The following PEX3 variants were observed in gnomAD, a reference collection of about 807,000 sequenced individuals.
PEX3 encodes peroxin-3.
PEX3 carries 30 observed loss-of-function variants against 55.8 expected under a neutral mutation model. The ratio of observed to expected loss-of-function variants is 0.54; its 90% CI spans 0.40 to 0.73. PEX3 has a LOEUF of 0.73. PEX3 is among the 30% of genes least tolerant of loss of function. The pLI is 0.00. For missense variants in PEX3, 351 were observed against 432.8 expected (o/e 0.81, Z 1.68); for synonymous variants, 135 against 148.4 (o/e 0.91, Z 0.66).
Position 143,485,209 on chromosome 6 carries a change from C to G in PEX3, c.999C>G (p.Ile333Met). ...TAATTCCAATAGTAAACGGACAGATCCATTCAGTTTGCAGTGAAACACCTA... is the reference window on the plus strand; with the variant it reads ...TAATTCCAATAGTAAACGGACAGATGCATTCAGTTTGCAGTGAAACACCTA... ...AKIIPIVNGQIHSVCSETPSH... is the reference protein window; with the variant it reads ...AKIIPIVNGQMHSVCSETPSH... Residue 333 changes from isoleucine (I) to methionine (M), a missense_variant, in exon 11 of 12, where the codon ATC becomes ATG. By Grantham distance (10) the Ile-to-Met change is conservative. Coordinates refer to ENST00000367591, the MANE Select transcript of PEX3 (RefSeq NM_003630.3). The surrounding 1 kb of genome is among the most constrained non-coding windows in gnomAD (Gnocchi z 5.6). The G allele has an allele frequency of 6.2e-7, 1 of 1,607,516 alleles. No homozygotes were observed. The highest frequency in any genetic ancestry group is 8.5e-7 in the Non-Finnish European group (1 of 1,174,302).
rs946947910 is a variant in PEX3 at position 143,465,243 on chromosome 6, C to A, written c.287+2246C>A. Among the ~76,000 whole-genome samples, 4 of 151,710 alleles carry A rather than the reference C, an allele frequency of 2.6e-5. No individual in the cohort carries two copies. The highest frequency in any genetic ancestry group is 9.7e-5 in the African/African-American group (4 of 41,326). Reference sequence around the variant, plus strand: ...TGTGTTGAAGGTACTTTTCTCTGTTCTACATAGATTTGGAATCTTTTATGT... The same window carrying A: ...TGTGTTGAAGGTACTTTTCTCTGTTATACATAGATTTGGAATCTTTTATGT... On this transcript the variant is annotated intron_variant, in intron 3 of 11. Transcript: ENST00000367591. This position sits in a 1 kb window ranked among gnomAD's most constrained non-coding sequence, Gnocchi z 4.7.
rs1241030753 is a variant in PEX3, at chr6:143,454,925, T to C, written c.73+3810T>C. On this transcript the variant is annotated intron_variant, in intron 1 of 11. Coordinates refer to ENST00000367591, the MANE Select transcript of PEX3 (RefSeq NM_003630.3). This position sits in a 1 kb window ranked among gnomAD's most constrained non-coding sequence, Gnocchi z 4.3. ...AGAGTACAGATTGTGAAGGGCCTTA[T>C]GAAGCCATTCTACATAATTTGGACA... is the stretch of plus-strand genomic sequence containing the variant. Among the ~76,000 whole-genome samples, 1 of 152,236 alleles carries C rather than the reference T, an allele frequency of 6.6e-6. No homozygotes were observed. The highest frequency in any genetic ancestry group is 2.4e-5 in the African/African-American group (1 of 41,462).
chr6:143,467,758 T>C (rs575263236), intron 3 of PEX3, among the ~76,000 whole-genome samples: 1 of 152,202 alleles, frequency 6.6e-6, no homozygotes, highest in African/African-American at 2.4e-5. Context: ...TTTATGATCG[T>C]AAAACAAAAA....
intron 1 of PEX3, among the ~76,000 whole-genome samples, chr6:143,456,987 A>G (rs949611084): frequency 1.3e-5 from 2 of 152,178 alleles, no homozygotes; most frequent in Admixed American, 6.5e-5. Flanking sequence ...GTTCCTAAAA[A>G]AAATCATCAG....
intron 2 of PEX3, among the ~76,000 whole-genome samples, chr6:143,461,312 G>A (rs75900292): frequency 6.6e-6 from 1 of 152,222 alleles, no homozygotes; most frequent in African/African-American, 2.4e-5. Flanking sequence ...TGGCAGATGG[G>A]GTTGTCAATT....
rs1779884552 is a variant in PEX3, at chr6:143,459,084, G to A, written c.74-1G>A. On this transcript the variant is annotated splice_acceptor_variant, in intron 1 of 11. Transcript: ENST00000367591. LOFTEE classifies it high-confidence loss of function. The surrounding 1 kb of genome is among the most constrained non-coding windows in gnomAD (Gnocchi z 4.2). ...ATATAGTACTTTTTTAATGATTGTA[G>A]GAGTATATATTCTGGGGAAATATGG... 1 of 1,576,988 alleles carries A rather than the reference G, an allele frequency of 6.3e-7. No individual in the cohort carries two copies.
At chr6:143,460,301 ACCTT>A (rs779525229) in intron 2 of PEX3, among the ~76,000 whole-genome samples, 37 of 152,316 alleles carry the variant, frequency 2.4e-4, no homozygotes, top group South Asian at 6.2e-4. Context: ...TCAGAAAAAT[ACCTT>A]CATTCTGCAA....
At chr6:143,455,359 A>ATTTTTTTTTTTTTTTTTTTTTTT (rs56788350) in intron 1 of PEX3, among the ~76,000 whole-genome samples, 1 of 71,968 alleles carries the variant, frequency 1.4e-5, no homozygotes, top group Non-Finnish European at 2.7e-5. Flanking sequence ...CGCCCGGCTA[A>ATTTTTTTTTTTTTTTTTTTTTTT]TTTTTTTTTT....
intron 2 of PEX3, among the ~76,000 whole-genome samples, chr6:143,460,680 C>T (rs186379597): frequency 4.6e-5 from 7 of 152,092 alleles, no homozygotes; most frequent in East Asian, 3.9e-4. Flanking sequence ...GCCTGACCAA[C>T]GTGGAGAAAC....
intron 10 of PEX3, among the ~76,000 whole-genome samples, chr6:143,480,107 G>T (rs144444261): frequency 2.3e-3 from 350 of 152,056 alleles, no homozygotes; most frequent in African/African-American, 7.5e-3. Context: ...AGATTAATTT[G>T]ACATTGACAT....
chr6:143,456,763 A>G (rs1208972259), intron 1 of PEX3, among the ~76,000 whole-genome samples: 1 of 152,220 alleles, frequency 6.6e-6, no homozygotes, highest in Non-Finnish European at 1.5e-5. Context: ...AAATAAGGTC[A>G]CATTCTGAGG....
chr6:143,476,774 A>C lies in PEX3; in HGVS notation c.818+1918A>C, dbSNP rs1780159023. On this transcript the variant is annotated intron_variant, in intron 9 of 11. Transcript: ENST00000367591. The surrounding 1 kb of genome is among the most constrained non-coding windows in gnomAD (Gnocchi z 5.4). ...ATGCCTATTGGCAATTGAATATGCA[A>C]GTCTGGAATTCAAGTTAGTTTACAA... 6.6e-6 allele frequency among the ~76,000 whole-genome samples: 1 copy of C among 152,212 alleles called. No homozygotes were observed. Among genetic ancestry groups the C allele is most frequent in the South Asian group, 2.1e-4 (1 of 4,834 alleles).
rs1452006069 is a variant in PEX3 at position 143,462,295 on chromosome 6, T to C, written c.206-621T>C. On this transcript the variant is annotated intron_variant, in intron 2 of 11. Coordinates refer to ENST00000367591, the MANE Select transcript of PEX3 (RefSeq NM_003630.3). This position sits in a 1 kb window ranked among gnomAD's most constrained non-coding sequence, Gnocchi z 4.1. ...ACCCAGTGCACTTTTATTTATGTTATAATAAATGTTTATTGCTTTGTAGTA... is the reference window on the plus strand; with the variant it reads ...ACCCAGTGCACTTTTATTTATGTTACAATAAATGTTTATTGCTTTGTAGTA... Among the ~76,000 whole-genome samples the C allele has an allele frequency of 3.9e-5, 6 of 152,178 alleles. No individual in the cohort carries two copies. The highest frequency in any genetic ancestry group is 3.3e-4 in the Admixed American group (5 of 15,284).
rs58331398 is a variant in PEX3, at chr6:143,455,171, A to ATTTTCTTTTCTTTTCTTTTC, written c.74-3894_74-3875dup. ...CATGCAAGATAAGACATTTGGGGGT[A>ATTTTCTTTTCTTTTCTTTTC]TTTTCTTTTCTTTTCTTTTCTTTTC... On this transcript the variant is annotated intron_variant, in intron 1 of 11. Coordinates refer to ENST00000367591, the MANE Select transcript of PEX3 (RefSeq NM_003630.3). Among the ~76,000 whole-genome samples, 1,432 of 143,960 alleles carry ATTTTCTTTTCTTTTCTTTTC rather than the reference A, an allele frequency of 9.9e-3. 46 individuals are homozygous for ATTTTCTTTTCTTTTCTTTTC. Among genetic ancestry groups the ATTTTCTTTTCTTTTCTTTTC allele is most frequent in the African/African-American group, 0.035 (1,322 of 37,292 alleles). The allele number at this position is 143,960 out of a possible 152,430, so 94.4% of individuals were successfully genotyped here. A position where few individuals can be genotyped will look rare whatever the true frequency, so the allele number is the denominator to read the frequency against.
In PEX3 at chr6:143,479,207, A is replaced by C; in HGVS notation, c.941+9A>C. On this transcript the variant is annotated intron_variant, in intron 10 of 11. Coordinates refer to ENST00000367591, the MANE Select transcript of PEX3 (RefSeq NM_003630.3). This position sits in a 1 kb window ranked among gnomAD's most constrained non-coding sequence, Gnocchi z 4.6. ...GGTAACTCTATGAATAGGTAAGATG[A>C]CATATAAAAATGTTATACTAATGAA... 1 of 1,596,888 alleles carries C rather than the reference A, an allele frequency of 6.3e-7. No individual in the cohort carries two copies. The highest frequency in any genetic ancestry group is 1.3e-5 in the African/African-American group (1 of 74,646).
At position 143,453,470 on chromosome 6, in the gene PEX3, G is replaced by C. The variant is rs1275320227; in HGVS notation, c.73+2355G>C. ...CGCGTTTGTATAATTTGACCAGTTT[G>C]GGGGGTTTGGGTGTGTTCGGGTTTT... On this transcript the variant is annotated intron_variant, in intron 1 of 11. Coordinates refer to ENST00000367591, the MANE Select transcript of PEX3 (RefSeq NM_003630.3). The surrounding 1 kb of genome is among the most constrained non-coding windows in gnomAD (Gnocchi z 4.6). 6.6e-6 allele frequency among the ~76,000 whole-genome samples: 1 copy of C among 151,990 alleles called. No homozygotes were observed. The highest frequency in any genetic ancestry group is 2.4e-5 in the African/African-American group (1 of 41,380).
At position 143,466,155 on chromosome 6, in the gene PEX3, A is replaced by G. The variant is rs976281258; in HGVS notation, c.288-1967A>G. 6.6e-6 allele frequency among the ~76,000 whole-genome samples: 1 copy of G among 152,108 alleles called. No homozygotes were observed. The highest frequency in any genetic ancestry group is 1.5e-5 in the Non-Finnish European group (1 of 67,932). On this transcript the variant is annotated intron_variant, in intron 3 of 11. Transcript: ENST00000367591. This position sits in a 1 kb window ranked among gnomAD's most constrained non-coding sequence, Gnocchi z 5.4. ...GAAGAGAAAAGTGGCTACCATCTGT[A>G]TACAATAGTCCCATCCACCTTATCC...
Position 143,464,554 on chromosome 6 carries a change from C to T in PEX3, c.287+1557C>T, listed in dbSNP as rs1779969394. On this transcript the variant is annotated intron_variant, in intron 3 of 11. Coordinates refer to ENST00000367591, the MANE Select transcript of PEX3 (RefSeq NM_003630.3). The surrounding 1 kb of genome is among the most constrained non-coding windows in gnomAD (Gnocchi z 5.8). ...ACAGCTTTAAAGAAAAGATGTGATT[C>T]TTTTTTTCTTAATCGGTACACAGGG... 6.6e-6 allele frequency among the ~76,000 whole-genome samples: 1 copy of T among 151,832 alleles called. No homozygotes were observed. Among genetic ancestry groups the T allele is most frequent in the Non-Finnish European group, 1.5e-5 (1 of 67,838 alleles).
intron 8 of PEX3, among the ~76,000 whole-genome samples, chr6:143,473,741 G>A (rs1018277758): frequency 9.2e-5 from 14 of 152,056 alleles, no homozygotes; most frequent in Admixed American, 1.3e-4. Flanking sequence ...GCATAGTGGT[G>A]CATGGCTATA....
Sources: allele counts gnomAD v4.1 joint callset (sites outside exome capture counted in the v4.1 genomes callset), GRCh38; gene constraint gnomAD v4.1.1; non-coding constraint Gnocchi (gnomAD v3.1); transcripts MANE v1.5; gene names NCBI Gene and HGNC (gene_info 2026-07-23, HGNC 2026-07-21).